CACNA1D: variants seen among roughly 807,000 people sequenced by gnomAD.
The protein encoded by CACNA1D is calcium voltage-gated channel subunit alpha1 D.
Under a neutral mutation model 257.1 loss-of-function variants are expected in CACNA1D, and 55 were observed. That is an observed-to-expected ratio of 0.21 (90% CI 0.17 to 0.27). The LOEUF is 0.27. Ranked by LOEUF, CACNA1D falls within the 10% of genes least tolerant of loss-of-function variation. CACNA1D has a pLI of 1.00. For synonymous variants in CACNA1D, 980 were observed against 1,014.9 expected, an observed-to-expected ratio of 0.97 and a Z score of 0.65; for missense variants, 1,876 against 2,784.0, an observed-to-expected ratio of 0.67 and a Z score of 7.34.
At chr3:53,775,791 G>T in intron 34 of CACNA1D, 95 bp from the exon 35 acceptor site, 1 of 1,200,100 alleles carries the variant, frequency 8.3e-7, no homozygotes, top group South Asian at 1.2e-5. Flanking sequence ...AATGACTTAG[G>T]TTTTGCTCTA....
intron 4 of CACNA1D, among the ~76,000 whole-genome samples, chr3:53,651,283 T>TA (rs923560032): frequency 6.7e-6 from 1 of 149,542 alleles, no homozygotes; most frequent in Non-Finnish European, 1.5e-5. Context: ...AATGTTAAGT[T>TA]AAAAAAAGTA....
At chr3:53,539,299 A>T (rs2092230749) in intron 3 of CACNA1D, among the ~76,000 whole-genome samples, 1 of 151,926 alleles carries the variant, frequency 6.6e-6, no homozygotes, top group Non-Finnish European at 1.5e-5. Context: ...TAGTAGAGAC[A>T]GGTTTTCACC....
chr3:53,632,810 A>G (rs901756283), intron 3 of CACNA1D, among the ~76,000 whole-genome samples: 4 of 152,230 alleles, frequency 2.6e-5, no homozygotes, highest in East Asian at 1.9e-4. Flanking sequence ...ACATTTATCA[A>G]TTTTGTTCAC....
intron 29 of CACNA1D, among the ~76,000 whole-genome samples, chr3:53,754,518 A>G (rs867599477): frequency 2.0e-5 from 3 of 152,240 alleles, no homozygotes; most frequent in African/African-American, 7.2e-5. Flanking sequence ...AAGAGTTCCC[A>G]TATACGCACT....
intron 8 of CACNA1D, among the ~76,000 whole-genome samples, chr3:53,685,027 C>A (rs1436362107): frequency 1.3e-5 from 2 of 151,972 alleles, no homozygotes; most frequent in African/African-American, 4.8e-5. Flanking sequence ...AGATGGTAGA[C>A]AAACCCAGTA....
chr3:53,495,119 C>T lies in CACNA1D; in HGVS notation c.-48C>T. The T allele has an allele frequency of 6.5e-7, 1 of 1,541,708 alleles. No homozygotes were observed. The highest frequency in any genetic ancestry group is 9.0e-7 in the Non-Finnish European group (1 of 1,116,238). On this transcript the variant is annotated 5_prime_UTR_variant, in exon 1 of 48. Transcript: ENST00000350061. The surrounding 1 kb of genome is among the most constrained non-coding windows in gnomAD (Gnocchi z 5.1). ...TCCCCATTCCGCCCCCGCCTCAACGCCCAGCACAGTGCCCTGCACACAGTA... is the reference window on the plus strand; with the variant it reads ...TCCCCATTCCGCCCCCGCCTCAACGTCCAGCACAGTGCCCTGCACACAGTA...
intron 9 of CACNA1D, chr3:53,710,547 T>C (rs2094742558): frequency 4.0e-5 from 18 of 452,834 alleles, no homozygotes; most frequent in South Asian, 2.8e-4. Context: ...ACATAGGCAT[T>C]GTGTGAAGTG....
At chr3:53,687,321 T>TA (rs2094481867) in intron 8 of CACNA1D, among the ~76,000 whole-genome samples, 1 of 152,024 alleles carries the variant, frequency 6.6e-6, no homozygotes, top group African/African-American at 2.4e-5. Flanking sequence ...AAAACAATCA[T>TA]AAAAAATAAA....
At chr3:53,574,059 T>C (rs574722572) in intron 3 of CACNA1D, among the ~76,000 whole-genome samples, 1 of 152,268 alleles carries the variant, frequency 6.6e-6, no homozygotes, top group Admixed American at 6.5e-5. Context: ...TGCACTGTGC[T>C]CTGGAGGAGG....
intron 3 of CACNA1D, among the ~76,000 whole-genome samples, chr3:53,517,033 T>A (rs1051608142): frequency 1.3e-5 from 2 of 152,194 alleles, no homozygotes; most frequent in African/African-American, 4.8e-5. Context: ...GTTGTGACCC[T>A]CACTTTCTTC....
intron 42 of CACNA1D, 29 bp from the exon 43 acceptor site, chr3:53,802,118 C>A: frequency 6.3e-7 from 1 of 1,582,642 alleles, no homozygotes; most frequent in Non-Finnish European, 8.7e-7. Flanking sequence ...TCTTCTCCCT[C>A]CTTCCCATGT....
chr3:53,669,472 A>C (rs766216986), intron 7 of CACNA1D, among the ~76,000 whole-genome samples: 2 of 152,260 alleles, frequency 1.3e-5, no homozygotes, highest in Non-Finnish European at 2.9e-5. Context: ...TTAAATATTG[A>C]CTACAAGCAC....
chr3:53,580,488 G>A (rs917987641), intron 3 of CACNA1D, among the ~76,000 whole-genome samples: 3 of 152,200 alleles, frequency 2.0e-5, no homozygotes, highest in African/African-American at 7.2e-5. Flanking sequence ...TGCACAGTAG[G>A]TGCTTGTCTG....
intron 3 of CACNA1D, among the ~76,000 whole-genome samples, chr3:53,511,940 C>T (rs906066248): frequency 1.3e-5 from 2 of 151,928 alleles, no homozygotes; most frequent in Non-Finnish European, 2.9e-5. Context: ...AAATAAATGA[C>T]CAATATTTTT....
intron 10 of CACNA1D, 79 bp downstream of exon 10, chr3:53,718,467 G>A (rs1177330523): frequency 4.5e-6 from 6 of 1,346,188 alleles, no homozygotes; most frequent in East Asian, 2.3e-5. Context: ...CGCCCAGGCT[G>A]CAGCAGAGCC....
At chr3:53,597,925 A>G (rs1342050284) in intron 3 of CACNA1D, among the ~76,000 whole-genome samples, 1 of 152,220 alleles carries the variant, frequency 6.6e-6, no homozygotes, top group African/African-American at 2.4e-5. Flanking sequence ...ACTACAAGTA[A>G]CTGTAAAAAC....
At chr3:53,620,764 G>A (rs542914548) in intron 3 of CACNA1D, among the ~76,000 whole-genome samples, 198 of 152,360 alleles carry the variant, frequency 1.3e-3, no homozygotes, top group Admixed American at 3.2e-3. Context: ...TATTACATAA[G>A]CAGATATACC....
At chr3:53,634,331 A>G (rs529586195) in intron 3 of CACNA1D, among the ~76,000 whole-genome samples, 3 of 152,240 alleles carry the variant, frequency 2.0e-5, no homozygotes, top group Non-Finnish European at 4.4e-5. Context: ...CTCCATAGTT[A>G]TGAAAGCATT....
chr3:53,749,328 C>T lies in CACNA1D; in HGVS notation c.3375C>T (p.Arg1125=), dbSNP rs1035596054. ...GENIGPIYNH[R]VEISIFFIIY... ...ACATCGGCCCAATCTACAACCACCG[C>T]GTGGAGATCTCCATCTTCTTCATCA... Residue 1125 remains arginine (R), a synonymous_variant, in exon 27 of 48, where the codon CGC becomes CGT. Coordinates refer to ENST00000350061, the MANE Select transcript of CACNA1D (RefSeq NM_001128840.3). The T allele has an allele frequency of 2.5e-6, 4 of 1,613,246 alleles. No homozygotes were observed. The highest frequency in any genetic ancestry group is 1.7e-5 in the Admixed American group (1 of 60,010).
Sources: allele counts gnomAD v4.1 joint callset (sites outside exome capture counted in the v4.1 genomes callset), GRCh38; gene constraint gnomAD v4.1.1; non-coding constraint Gnocchi (gnomAD v3.1); transcripts MANE v1.5; gene names NCBI Gene and HGNC (gene_info 2026-07-23, HGNC 2026-07-21).